ARB2A: variants seen among roughly 807,000 people sequenced by gnomAD.
The protein encoded by ARB2A is cotranscriptional regulator ARB2A.
the ARB2A span, among the ~76,000 whole-genome samples, chr5:93,997,991 G>T: frequency 6.6e-6 from 1 of 151,650 alleles, no homozygotes; most frequent in Non-Finnish European, 1.5e-5. Flanking sequence ...TAGCATATGT[G>T]TGTCTATACA....
chr5:93,690,324 C>T, the ARB2A span, among the ~76,000 whole-genome samples: 2 of 152,186 alleles, frequency 1.3e-5, no homozygotes, highest in African/African-American at 2.4e-5. Flanking sequence ...TCACTGCTAG[C>T]AGAGCAGTAT....
the ARB2A span, among the ~76,000 whole-genome samples, chr5:94,103,743 C>G: frequency 1.4e-5 from 2 of 145,832 alleles, no homozygotes; most frequent in African/African-American, 5.1e-5. Context: ...GCACATGACA[C>G]ATACTGTAAT....
At chr5:93,897,078 A>G in the ARB2A span, among the ~76,000 whole-genome samples, 1 of 152,000 alleles carries the variant, frequency 6.6e-6, no homozygotes, top group Middle Eastern at 3.2e-3. Flanking sequence ...CAGTAGGATA[A>G]TTTAGTGTAT....
chr5:93,666,394 G>A, the ARB2A span, among the ~76,000 whole-genome samples: 1 of 152,082 alleles, frequency 6.6e-6, no homozygotes, highest in Non-Finnish European at 1.5e-5. Context: ...CACATTTTAT[G>A]CCATGGAACT....
chr5:93,741,683 G>A, the ARB2A span: 1 of 1,233,148 alleles, frequency 8.1e-7, no homozygotes, highest in East Asian at 2.6e-5. Context: ...ACAAGCCAAG[G>A]GTGCCTGTGC....
the ARB2A span, among the ~76,000 whole-genome samples, chr5:93,986,587 G>A: frequency 2.0e-5 from 3 of 152,252 alleles, no homozygotes; most frequent in African/African-American, 4.8e-5. Context: ...AAAGGGGGAA[G>A]TGTGGGGAGA....
At chr5:93,824,714 A>ACC in the ARB2A span, among the ~76,000 whole-genome samples, 1 of 152,212 alleles carries the variant, frequency 6.6e-6, no homozygotes, top group Non-Finnish European at 1.5e-5. Flanking sequence ...TGCAACGTGG[A>ACC]TGCCTAATGA....
the ARB2A span, among the ~76,000 whole-genome samples, chr5:94,061,652 C>A: frequency 1.3e-5 from 2 of 152,268 alleles, no homozygotes; most frequent in East Asian, 1.9e-4. Context: ...CATAAACCAT[C>A]AATAAACATG....
chr5:94,017,910 G>A, the ARB2A span, among the ~76,000 whole-genome samples: 1 of 152,236 alleles, frequency 6.6e-6, no homozygotes, highest in South Asian at 2.1e-4. Context: ...CTGAATCATG[G>A]AGGCCGTTCT....
the ARB2A span, among the ~76,000 whole-genome samples, chr5:94,111,143 T>C: frequency 6.6e-6 from 1 of 152,106 alleles, no homozygotes; most frequent in Non-Finnish European, 1.5e-5. Flanking sequence ...TGGCAGTTAA[T>C]AATACTTTTT....
the ARB2A span, among the ~76,000 whole-genome samples, chr5:93,920,640 G>A: frequency 6.6e-6 from 1 of 152,002 alleles, no homozygotes; most frequent in Admixed American, 6.6e-5. Context: ...ATATATTATA[G>A]AAAATTAAAA....
chr5:93,847,400 T>C, the ARB2A span, among the ~76,000 whole-genome samples: 1 of 152,212 alleles, frequency 6.6e-6, no homozygotes, highest in African/African-American at 2.4e-5. Context: ...GTTTCCTTTA[T>C]TGTCCATCAC....
At chr5:93,982,436 A>C in the ARB2A span, among the ~76,000 whole-genome samples, 1 of 152,182 alleles carries the variant, frequency 6.6e-6, no homozygotes, top group Admixed American at 6.5e-5. Context: ...AGACACACAA[A>C]TATATTTGCT....
chr5:93,620,046 C>G, the ARB2A span: 2 of 152,094 alleles, frequency 1.3e-5, no homozygotes, highest in East Asian at 2.0e-4. Flanking sequence ...AAAGGATTAA[C>G]AACAACCTTT....
the ARB2A span, among the ~76,000 whole-genome samples, chr5:94,069,833 T>C: frequency 6.6e-6 from 1 of 152,156 alleles, no homozygotes; most frequent in Non-Finnish European, 1.5e-5. Flanking sequence ...TTATACACTG[T>C]TGTTAAGAAT....
the ARB2A span, among the ~76,000 whole-genome samples, chr5:93,732,559 G>A: frequency 6.6e-6 from 1 of 151,074 alleles, no homozygotes; most frequent in African/African-American, 2.4e-5. Context: ...CTACACTGAA[G>A]CTCTTTAACA....
chr5:93,984,322 A>T, the ARB2A span, among the ~76,000 whole-genome samples: 1 of 152,196 alleles, frequency 6.6e-6, no homozygotes, highest in Non-Finnish European at 1.5e-5. Flanking sequence ...TCTAGTTCAG[A>T]TGCTACTGAC....
At chr5:94,065,967 A>C in the ARB2A span, among the ~76,000 whole-genome samples, 1 of 152,204 alleles carries the variant, frequency 6.6e-6, no homozygotes, top group African/African-American at 2.4e-5. Flanking sequence ...AGGATAGACC[A>C]TATGTTAGGC....
the ARB2A span, among the ~76,000 whole-genome samples, chr5:93,931,191 C>T: frequency 5.3e-5 from 8 of 152,208 alleles, no homozygotes; most frequent in South Asian, 2.1e-4. Context: ...CCCCACCGGG[C>T]GCAGTGACTC....
Sources: gnomAD v4.1 joint callset for allele counts (sites outside exome capture counted in the v4.1 genomes callset) on GRCh38, gnomAD v4.1.1 for gene constraint, MANE v1.5 for transcripts, NCBI Gene and HGNC (gene_info 2026-07-23, HGNC 2026-07-21) for gene names.